The following CHODL variants were observed in gnomAD, a reference collection of about 807,000 sequenced individuals.
The protein encoded by CHODL is transmembrane protein MT75.
Under a neutral mutation model 34.5 loss-of-function variants are expected in CHODL, and 29 were observed. The ratio of observed to expected loss-of-function variants is 0.84; its 90% CI spans 0.63 to 1.15. The LOEUF is 1.15. Ranked by LOEUF, CHODL falls within the 50% of genes most tolerant of loss-of-function variation. The probability of loss-of-function intolerance (pLI) is 0.00; values close to 1 mark genes in which losing one functional copy is unlikely to be tolerated. For missense variants in CHODL, 332 were observed against 332.5 expected (o/e 1.00, Z 0.01); for synonymous variants, 125 against 116.1 (o/e 1.08, Z -0.49).
At chr21:18,199,934 T>C (rs1013598008) in intron 2 of CHODL, among the ~76,000 whole-genome samples, 20 of 152,314 alleles carry the variant, frequency 1.3e-4, no homozygotes, top group African/African-American at 4.8e-4. Context: ...CAGATTTCTA[T>C]GCAGATGTAA....
chr21:18,107,445 A>G (rs1406580282), intron 2 of CHODL, among the ~76,000 whole-genome samples: 1 of 152,254 alleles, frequency 6.6e-6, no homozygotes, highest in South Asian at 2.1e-4. Flanking sequence ...ACAGGGGCCT[A>G]TCAACTCAGT....
chr21:18,103,662 A>C (rs907318085), intron 2 of CHODL, among the ~76,000 whole-genome samples: 1 of 151,996 alleles, frequency 6.6e-6, no homozygotes, highest in Non-Finnish European at 1.5e-5. Flanking sequence ...CATGGTGGAG[A>C]TGGCTGGAAG....
chr21:17,997,894 C>T (rs988107669), intron 1 of CHODL, among the ~76,000 whole-genome samples: 5 of 151,984 alleles, frequency 3.3e-5, no homozygotes, highest in African/African-American at 9.7e-5. Context: ...TATAATTCCA[C>T]CCCTGGCCCC....
intron 2 of CHODL, among the ~76,000 whole-genome samples, chr21:18,090,034 A>G (rs1366521679): frequency 6.6e-6 from 1 of 152,244 alleles, no homozygotes; most frequent in Non-Finnish European, 1.5e-5. Flanking sequence ...TACAATAAAC[A>G]ATATTAATTA....
At chr21:18,068,780 CTT>C (rs60581304) in intron 2 of CHODL, among the ~76,000 whole-genome samples, 54 of 140,950 alleles carry the variant, frequency 3.8e-4, no homozygotes, top group African/African-American at 5.2e-4. Context: ...AAGGAAATTT[CTT>C]TTTTTTTTTT....
chr21:18,226,955 G>A (rs143308956), intron 2 of CHODL, among the ~76,000 whole-genome samples: 2 of 152,210 alleles, frequency 1.3e-5, no homozygotes, highest in African/African-American at 4.8e-5. Context: ...CATTCCGGCT[G>A]CGATAACAAA....
chr21:18,209,769 C>G (rs533910566), intron 2 of CHODL, among the ~76,000 whole-genome samples: 33 of 152,238 alleles, frequency 2.2e-4, no homozygotes, highest in African/African-American at 7.7e-4. Context: ...GGGTTCTTCC[C>G]TTCAAGGCAG....
At chr21:18,060,751 G>T (rs2064653381) in intron 2 of CHODL, among the ~76,000 whole-genome samples, 2 of 149,744 alleles carry the variant, frequency 1.3e-5, no homozygotes, top group Non-Finnish European at 3.0e-5. Flanking sequence ...GGAGTTTGTT[G>T]TTACCAAGGT....
intron 1 of CHODL, among the ~76,000 whole-genome samples, chr21:18,025,877 G>A (rs761426199): frequency 4.6e-5 from 7 of 152,072 alleles, no homozygotes; most frequent in African/African-American, 1.7e-4. Flanking sequence ...ATAAGGACCC[G>A]AGTCATATTG....
chr21:18,180,912 T>C (rs888113155), intron 2 of CHODL, among the ~76,000 whole-genome samples: 20 of 152,208 alleles, frequency 1.3e-4, no homozygotes, highest in Non-Finnish European at 2.9e-4. Flanking sequence ...ATAACACTTA[T>C]TTGTCAGAGG....
At chr21:18,125,544 A>C (rs1471837406) in intron 2 of CHODL, among the ~76,000 whole-genome samples, 1 of 151,708 alleles carries the variant, frequency 6.6e-6, no homozygotes, top group Non-Finnish European at 1.5e-5. Flanking sequence ...AATATAGAAA[A>C]TTGATTACAT....
At chr21:17,959,982 T>C (rs1321250601) in intron 1 of CHODL, among the ~76,000 whole-genome samples, 2 of 152,178 alleles carry the variant, frequency 1.3e-5, no homozygotes, top group Admixed American at 1.3e-4. Flanking sequence ...ATATGGGCAT[T>C]GGTGAACAGT....
At chr21:18,256,921 TCATTTAGTAGG>T (rs1199745363) in intron 2 of CHODL, 38 bp from the exon 3 acceptor site, 2 of 1,591,158 alleles carry the variant, frequency 1.3e-6, no homozygotes, top group East Asian at 4.5e-5. Flanking sequence ...ACAGGCAGAA[TCATTTAGTAGG>T]CATGTATCTG....
rs2074172297 is a variant in CHODL, at chr21:18,248,559, T to C, written c.79+3257T>C. On this transcript the variant is annotated intron_variant, in intron 1 of 5. Transcript: ENST00000299295. Reference sequence around the variant, plus strand: ...CCCAAAGATGGCAGTATCTGTTACATTACCTTTATAAAAGGTAATGTATTT... The same window carrying C: ...CCCAAAGATGGCAGTATCTGTTACACTACCTTTATAAAAGGTAATGTATTT... Among the ~76,000 whole-genome samples, 4 of 144,202 alleles carry C rather than the reference T, an allele frequency of 2.8e-5. No homozygotes were observed. The South Asian group carries it at 8.5e-4, about 31-fold the overall frequency. The allele number at this position is 144,202 out of a possible 152,430, so 94.6% of individuals were successfully genotyped here. A position where few individuals can be genotyped will look rare whatever the true frequency, so the allele number is the denominator to read the frequency against.
intron 1 of CHODL, among the ~76,000 whole-genome samples, chr21:17,941,850 G>A (rs1470507581): frequency 6.6e-6 from 1 of 152,086 alleles, no homozygotes; most frequent in Non-Finnish European, 1.5e-5. Flanking sequence ...TGTATGGTGA[G>A]GGCCCTCTTC....
intron 2 of CHODL, among the ~76,000 whole-genome samples, chr21:18,088,156 A>G (rs2065029647): frequency 6.6e-6 from 1 of 152,190 alleles, no homozygotes; most frequent in African/African-American, 2.4e-5. Context: ...GGGCAGTGAC[A>G]CGAGCCAAAC....
intron 1 of CHODL, among the ~76,000 whole-genome samples, chr21:17,920,418 T>A (rs1175918625): frequency 6.6e-6 from 1 of 152,218 alleles, no homozygotes; most frequent in Non-Finnish European, 1.5e-5. Context: ...AGGGAAACTC[T>A]CATTTTTAAA....
chr21:17,933,917 T>C (rs1334410084), intron 1 of CHODL, among the ~76,000 whole-genome samples: 1 of 151,904 alleles, frequency 6.6e-6, no homozygotes, highest in Non-Finnish European at 1.5e-5. Flanking sequence ...CATGCACCTG[T>C]AGTCCCAGCT....
At chr21:18,203,810 G>A (rs2073682571) in intron 2 of CHODL, among the ~76,000 whole-genome samples, 1 of 152,126 alleles carries the variant, frequency 6.6e-6, no homozygotes, top group African/African-American at 2.4e-5. Context: ...AAGAAAAGCA[G>A]TCTGGTGTTT....
Sources: allele counts gnomAD v4.1 joint callset (sites outside exome capture counted in the v4.1 genomes callset), GRCh38; gene constraint gnomAD v4.1.1; transcripts MANE v1.5; gene names NCBI Gene and HGNC (gene_info 2026-07-23, HGNC 2026-07-21).